Variants in MYO6 observed in about 807,000 individuals in gnomAD.
MYO6 encodes the protein myosin VI.
A neutral mutation model predicts 178.7 loss-of-function variants in MYO6; 74 were observed. That is an observed-to-expected ratio of 0.41 (90% CI 0.34 to 0.50). MYO6 has a LOEUF of 0.50. Among genes scored for constraint, MYO6 ranks in the 20% least tolerant of loss-of-function variants. The pLI, the probability that MYO6 is intolerant of heterozygous loss-of-function variation, is 0.09. For missense variants in MYO6, 1,330 were observed against 1,547.4 expected (o/e 0.86, Z 2.36); for synonymous variants, 477 against 504.6 (o/e 0.95, Z 0.73).
At chr6:75,887,902 C>CGG (rs940994404) in intron 25 of MYO6, among the ~76,000 whole-genome samples, 1 of 151,376 alleles carries the variant, frequency 6.6e-6, no homozygotes, top group African/African-American at 2.4e-5. Context: ...TGGAGTGAAC[C>CGG]GGGGGGGCGG....
intron 13 of MYO6, among the ~76,000 whole-genome samples, chr6:75,858,445 A>T (rs1313646858): frequency 2.0e-5 from 3 of 152,118 alleles, no homozygotes; most frequent in Non-Finnish European, 4.4e-5. Context: ...GTCTCTACTA[A>T]AAATACAAAA....
At chr6:75,910,105 C>G (rs1303354442) in intron 32 of MYO6, among the ~76,000 whole-genome samples, 7 of 152,122 alleles carry the variant, frequency 4.6e-5, no homozygotes, top group Non-Finnish European at 8.8e-5. Context: ...TGACACTGCT[C>G]TCTTCTCCAG....
At chr6:75,778,143 A>G (rs1276327161) in intron 1 of MYO6, among the ~76,000 whole-genome samples, 1 of 152,178 alleles carries the variant, frequency 6.6e-6, no homozygotes, top group Admixed American at 6.5e-5. Context: ...ACAGACGTAC[A>G]TCATCACACC....
At chr6:75,839,544 C>T (rs183590293) in intron 7 of MYO6, among the ~76,000 whole-genome samples, 62 of 152,188 alleles carry the variant, frequency 4.1e-4, no homozygotes, top group African/African-American at 1.4e-3. Context: ...TAACACTGAA[C>T]ATCATGAAGC....
intron 2 of MYO6, among the ~76,000 whole-genome samples, chr6:75,817,940 T>C (rs1344805907): frequency 6.6e-6 from 1 of 152,214 alleles, no homozygotes; most frequent in African/African-American, 2.4e-5. Flanking sequence ...AGCCTTTCAT[T>C]CTTAAGAACT....
chr6:75,800,614 T>C (rs9341535), intron 1 of MYO6, among the ~76,000 whole-genome samples: 19,864 of 152,152 alleles, frequency 0.13, 1,358 homozygotes, highest in Non-Finnish European at 0.15. Context: ...GTTTAGGATA[T>C]GAAAAGTTTG....
At chr6:75,809,059 C>CATG (rs1397038008) in intron 1 of MYO6, among the ~76,000 whole-genome samples, 1 of 152,236 alleles carries the variant, frequency 6.6e-6, no homozygotes, top group Non-Finnish European at 1.5e-5. Flanking sequence ...GTTTGTCTCA[C>CATG]ATGAGCCTCA....
intron 25 of MYO6, among the ~76,000 whole-genome samples, chr6:75,887,489 A>G (rs1778532916): frequency 6.6e-6 from 1 of 151,460 alleles, no homozygotes; most frequent in Non-Finnish European, 1.5e-5. Context: ...TAAAAATACA[A>G]AACTAGCTGG....
intron 30 of MYO6, among the ~76,000 whole-genome samples, chr6:75,900,670 C>G (rs1308526273): frequency 6.6e-6 from 1 of 151,992 alleles, no homozygotes; most frequent in Non-Finnish European, 1.5e-5. Flanking sequence ...AAATTTTCTC[C>G]CATTTTGTGG....
chr6:75,901,366 A>G (rs1472782805), intron 30 of MYO6, among the ~76,000 whole-genome samples: 3 of 149,268 alleles, frequency 2.0e-5, no homozygotes, highest in Non-Finnish European at 4.5e-5. Flanking sequence ...CTACCCATGG[A>G]TCTTCCATTT....
At position 75,758,039 on chromosome 6, in the gene MYO6, G is replaced by A. The variant is rs189803862; in HGVS notation, c.-48+8616G>A. Among the ~76,000 whole-genome samples the A allele has an allele frequency of 4.3e-3, 598 of 138,764 alleles. 2 individuals carry two copies. Among genetic ancestry groups the A allele is most frequent in the Non-Finnish European group, 7.3e-3 (477 of 65,518 alleles). 91.0% of individuals were successfully genotyped at this position (138,764 alleles called of 152,430 possible). On this transcript the variant is annotated intron_variant, in intron 1 of 34. Coordinates refer to ENST00000369977, the MANE Select transcript of MYO6 (RefSeq NM_004999.4). The stretch of plus-strand genomic sequence containing the variant: ...GTTGCCCAGGCTGGAGTGCAGTAGC[G>A]CGATCTTGGCTCACCACACCTTCTG...
At chr6:75,762,834 T>C (rs1277276612) in intron 1 of MYO6, among the ~76,000 whole-genome samples, 2 of 152,250 alleles carry the variant, frequency 1.3e-5, no homozygotes, top group Non-Finnish European at 2.9e-5. Context: ...TGTATGTGCC[T>C]TAAGCAAATG....
chr6:75,911,616 C>T, intron 32 of MYO6, 56 bp from the exon 33 acceptor site: 2 of 1,457,816 alleles, frequency 1.4e-6, no homozygotes, highest in Non-Finnish European at 1.9e-6. Context: ...GAAAAATGCT[C>T]ATTTAACAGT....
intron 1 of MYO6, among the ~76,000 whole-genome samples, chr6:75,756,030 A>G (rs575624026): frequency 1.4e-4 from 22 of 152,302 alleles, no homozygotes; most frequent in African/African-American, 4.8e-4. Flanking sequence ...GCTGTTACCA[A>G]CCTGCTTTGA....
intron 33 of MYO6, 103 bp from the exon 34 acceptor site, chr6:75,913,960 A>T (rs1044294081): frequency 1.1e-6 from 1 of 898,690 alleles, no homozygotes; most frequent in African/African-American, 1.7e-5. Context: ...ACTATTAGGG[A>T]CCTTTCTTCT....
chr6:75,867,199 C>T, intron 18 of MYO6, 94 bp downstream of exon 18: 1 of 1,080,580 alleles, frequency 9.3e-7, no homozygotes, highest in Admixed American at 2.4e-5. Flanking sequence ...TGTCAGAAAT[C>T]TCACAGTGAA....
chr6:75,901,880 T>C lies in MYO6; in HGVS notation c.3176+3469T>C, dbSNP rs144369500. 0.013 allele frequency among the ~76,000 whole-genome samples: 1,995 copies of C among 152,300 alleles called. 73 individuals carry two copies. The East Asian group carries it at 0.15, about 11-fold the overall frequency. On this transcript the variant is annotated intron_variant, in intron 30 of 34. Transcript: ENST00000369977. ...GTGGGTTTGTCATAGATAGCTCTTATTATTTTCAAATACGTCCCATCAATA... is the reference window on the plus strand; with the variant it reads ...GTGGGTTTGTCATAGATAGCTCTTACTATTTTCAAATACGTCCCATCAATA...
chr6:75,854,609 T>C (rs1562250464), intron 11 of MYO6, among the ~76,000 whole-genome samples: 2 of 152,158 alleles, frequency 1.3e-5, no homozygotes, highest in African/African-American at 4.8e-5. Context: ...ATACTCAGCC[T>C]GTACAGGTAA....
chr6:75,849,293 A>C (rs1414257101), intron 11 of MYO6, among the ~76,000 whole-genome samples: 2 of 152,198 alleles, frequency 1.3e-5, no homozygotes, highest in African/African-American at 4.8e-5. Context: ...TAAAATATTT[A>C]CTATCTGGCC....
Sources: allele counts gnomAD v4.1 joint callset (sites outside exome capture counted in the v4.1 genomes callset), GRCh38; gene constraint gnomAD v4.1.1; transcripts MANE v1.5; gene names NCBI Gene and HGNC (gene_info 2026-07-23, HGNC 2026-07-21).